Variants in FBXL7 observed in about 807,000 individuals in gnomAD.
The protein encoded by FBXL7 is F-box and leucine rich repeat protein 7.
In FBXL7, 12 loss-of-function variants were observed where a neutral mutation model predicts 38.3. The observed-to-expected ratio is 0.31, with a 90% confidence interval of 0.20 to 0.51. The LOEUF (loss-of-function observed/expected upper bound fraction) is 0.51. Ranked by LOEUF, FBXL7 falls within the 20% of genes least tolerant of loss-of-function variation. The pLI is 0.98. For missense variants in FBXL7, 567 were observed against 676.4 expected, an observed-to-expected ratio of 0.84 and a Z score of 1.79; for synonymous variants, 297 against 300.9, an observed-to-expected ratio of 0.99 and a Z score of 0.13.
chr5:15,791,532 A>G (rs1181704680), intron 2 of FBXL7, among the ~76,000 whole-genome samples: 1 of 152,158 alleles, frequency 6.6e-6, no homozygotes, highest in Non-Finnish European at 1.5e-5. Context: ...AAACAGGGTA[A>G]TTGGGAAGAG....
intron 2 of FBXL7, among the ~76,000 whole-genome samples, chr5:15,820,437 CT>C (rs1222693423): frequency 6.6e-6 from 1 of 152,108 alleles, no homozygotes; most frequent in African/African-American, 2.4e-5. Context: ...TGGCCTTTTA[CT>C]TTTCTTATAT....
intron 2 of FBXL7, among the ~76,000 whole-genome samples, chr5:15,922,290 A>T (rs1741764042): frequency 6.6e-6 from 1 of 152,060 alleles, no homozygotes; most frequent in Admixed American, 6.6e-5. Flanking sequence ...ATGTTCTGGA[A>T]GTTTTTTATG....
intron 1 of FBXL7, among the ~76,000 whole-genome samples, chr5:15,601,559 C>A (rs1456213721): frequency 6.6e-6 from 1 of 152,110 alleles, no homozygotes; most frequent in African/African-American, 2.4e-5. Flanking sequence ...GCCCTGGTAC[C>A]TTTAGTGACA....
intron 2 of FBXL7, among the ~76,000 whole-genome samples, chr5:15,757,896 C>A (rs1281092537): frequency 6.6e-6 from 1 of 152,092 alleles, no homozygotes; most frequent in African/African-American, 2.4e-5. Context: ...TATCCCTTTC[C>A]TCCCCACAGC....
intron 2 of FBXL7, among the ~76,000 whole-genome samples, chr5:15,887,439 A>C (rs978952204): frequency 6.6e-6 from 1 of 152,210 alleles, no homozygotes; most frequent in African/African-American, 2.4e-5. Context: ...CATGTCAAAA[A>C]TGAAAATATT....
At chr5:15,924,415 G>C (rs761423100) in intron 2 of FBXL7, among the ~76,000 whole-genome samples, 2 of 152,164 alleles carry the variant, frequency 1.3e-5, no homozygotes, top group Non-Finnish European at 2.9e-5. Flanking sequence ...TCTCAAAGGA[G>C]TTTTTAGTGT....
intron 2 of FBXL7, among the ~76,000 whole-genome samples, chr5:15,777,714 T>C (rs1736890464): frequency 9.5e-6 from 1 of 104,922 alleles, no homozygotes; most frequent in East Asian, 2.6e-4. Context: ...CAAACCCCTA[T>C]TCTGGTAAAA....
At position 15,500,699 on chromosome 5, in the gene FBXL7, A is replaced by C. The variant is rs760736366; in HGVS notation, c.23A>C (p.Gln8Pro). 1 of 1,609,500 alleles carries C rather than the reference A, an allele frequency of 6.2e-7. No homozygotes were observed. The highest frequency in any genetic ancestry group is 1.1e-5 in the South Asian group (1 of 90,846). The change falls in exon 1 of 4, where the codon CAG (glutamine) becomes CCG (proline). Residue 8 changes from glutamine (Q) to proline (P), a missense_variant. Coordinates refer to ENST00000504595, the MANE Select transcript of FBXL7 (RefSeq NM_012304.5). ...AGGATGGGCGCGAACAATGGCAAAC[A>C]GTACGGCAGTGAGGGTGAGTGGGCC... MGANNGK[Q>P]YGSEGKGSSS...
chr5:15,807,500 A>G (rs2126748612), intron 2 of FBXL7, among the ~76,000 whole-genome samples: 1 of 152,300 alleles, frequency 6.6e-6, no homozygotes. Context: ...GAGATCATGC[A>G]GGGACAAAGC....
intron 2 of FBXL7, among the ~76,000 whole-genome samples, chr5:15,720,136 A>T (rs1356192231): frequency 6.7e-6 from 1 of 149,220 alleles, no homozygotes; most frequent in Non-Finnish European, 1.5e-5. Context: ...TGTTAGCAAT[A>T]AACCATAATA....
chr5:15,739,151 C>T (rs1735830503), intron 2 of FBXL7, among the ~76,000 whole-genome samples: 1 of 152,172 alleles, frequency 6.6e-6, no homozygotes, highest in South Asian at 2.1e-4. Context: ...TCTTGGCATC[C>T]ACTTCAGCTT....
At chr5:15,901,377 T>A (rs1448651571) in intron 2 of FBXL7, among the ~76,000 whole-genome samples, 9 of 152,180 alleles carry the variant, frequency 5.9e-5, no homozygotes, top group Admixed American at 1.3e-4. Context: ...ATTCCATTCA[T>A]GAAGGTTCTG....
intron 2 of FBXL7, among the ~76,000 whole-genome samples, chr5:15,707,473 C>T (rs536181033): frequency 1.3e-5 from 2 of 152,166 alleles, no homozygotes; most frequent in Admixed American, 6.5e-5. Context: ...GACACCTAGC[C>T]TGGCCAGGGC....
intron 2 of FBXL7, among the ~76,000 whole-genome samples, chr5:15,686,343 A>G (rs1431954548): frequency 6.6e-6 from 1 of 152,194 alleles, no homozygotes; most frequent in Non-Finnish European, 1.5e-5. Flanking sequence ...AAAGCCCTGC[A>G]TTTGGTAGAG....
chr5:15,605,041 C>T (rs1265885823), intron 1 of FBXL7, among the ~76,000 whole-genome samples: 2 of 152,132 alleles, frequency 1.3e-5, no homozygotes, highest in Non-Finnish European at 2.9e-5. Context: ...GCCGTACAGC[C>T]CTGCTCAGAG....
chr5:15,536,936 G>C (rs1433702282), intron 1 of FBXL7, among the ~76,000 whole-genome samples: 1 of 152,126 alleles, frequency 6.6e-6, no homozygotes, highest in Non-Finnish European at 1.5e-5. Flanking sequence ...GGAAGTGATT[G>C]AATCATGGGG....
Position 15,937,998 on chromosome 5 carries a change from G to A in FBXL7, c.*812G>A, listed in dbSNP as rs1244852489. On this transcript the variant is annotated 3_prime_UTR_variant, in exon 4 of 4. Transcript: ENST00000504595. ...TTCCAGGAGAACTGATTCTGTGGAT[G>A]GATGTGATTTCAGGAGATTGTGCAG... The A allele has an allele frequency of 6.6e-6, 1 of 152,256 alleles. No individual in the cohort carries two copies. The highest frequency in any genetic ancestry group is 1.9e-4 in the East Asian group (1 of 5,172). 9.4% of individuals were successfully genotyped at this position (152,256 alleles called of 1,614,324 possible).
chr5:15,757,588 T>C (rs867080974), intron 2 of FBXL7, among the ~76,000 whole-genome samples: 1 of 152,044 alleles, frequency 6.6e-6, no homozygotes, highest in Non-Finnish European at 1.5e-5. Flanking sequence ...GTTGTTGTGA[T>C]AGAGCTAGAG....
At chr5:15,602,398 G>C (rs968416297) in intron 1 of FBXL7, 1 of 151,872 alleles carries the variant, frequency 6.6e-6, no homozygotes, top group African/African-American at 2.4e-5. Flanking sequence ...AACATGTTAT[G>C]GACCAGGGAT....
Sources: allele counts gnomAD v4.1 joint callset (sites outside exome capture counted in the v4.1 genomes callset), GRCh38; gene constraint gnomAD v4.1.1; transcripts MANE v1.5; gene names NCBI Gene and HGNC (gene_info 2026-07-23, HGNC 2026-07-21).